The following SLC9C1 variants were observed in gnomAD, a reference collection of about 807,000 sequenced individuals.
SLC9C1 encodes sodium/hydrogen exchanger 10.
In SLC9C1, 97 loss-of-function variants were observed where a neutral mutation model predicts 140.9. The ratio of observed to expected loss-of-function variants is 0.69; its 90% CI spans 0.58 to 0.82. The LOEUF (loss-of-function observed/expected upper bound fraction) is 0.82. Among genes scored for constraint, SLC9C1 ranks in the 40% least tolerant of loss-of-function variants. SLC9C1 has a pLI of 0.00. For missense variants in SLC9C1, 1,340 were observed against 1,389.3 expected, an observed-to-expected ratio of 0.96 and a Z score of 0.56; for synonymous variants, 440 against 442.6, an observed-to-expected ratio of 0.99 and a Z score of 0.07.
At chr3:112,180,220 A>G (rs142393014) in intron 22 of SLC9C1, among the ~76,000 whole-genome samples, 33 of 152,296 alleles carry the variant, frequency 2.2e-4, no homozygotes, top group African/African-American at 6.5e-4. Flanking sequence ...TCACAAGTGC[A>G]TTTATAAATA....
At chr3:112,284,226 C>T (rs1392440968) in intron 2 of SLC9C1, among the ~76,000 whole-genome samples, 3 of 152,316 alleles carry the variant, frequency 2.0e-5, no homozygotes, top group Admixed American at 6.5e-5. Flanking sequence ...GTTGCTTCAA[C>T]ATCTTTCAGT....
chr3:112,259,866 C>T (rs989275321), intron 10 of SLC9C1, among the ~76,000 whole-genome samples: 1 of 152,156 alleles, frequency 6.6e-6, no homozygotes, highest in Non-Finnish European at 1.5e-5. Flanking sequence ...TTGTTACCTA[C>T]AGACTTTTTA....
At chr3:112,185,283 T>C (rs1280572142) in intron 20 of SLC9C1, among the ~76,000 whole-genome samples, 9 of 149,698 alleles carry the variant, frequency 6.0e-5, no homozygotes, top group East Asian at 3.9e-4. Flanking sequence ...CACAGGGGTA[T>C]TGAGGACAAT....
chr3:112,232,457 G>C (rs1407510432), intron 12 of SLC9C1, among the ~76,000 whole-genome samples: 1 of 152,156 alleles, frequency 6.6e-6, no homozygotes, highest in Non-Finnish European at 1.5e-5. Context: ...GATATGACAT[G>C]GTACTTGTTC....
intron 10 of SLC9C1, 117 bp downstream of exon 10, chr3:112,262,806 TA>T: frequency 1.1e-6 from 1 of 899,018 alleles, no homozygotes; most frequent in Non-Finnish European, 1.5e-6. Flanking sequence ...CCATCATAGC[TA>T]AATCACTCCT....
At chr3:112,178,335 G>T (rs2077377917) in intron 23 of SLC9C1, among the ~76,000 whole-genome samples, 1 of 151,260 alleles carries the variant, frequency 6.6e-6, no homozygotes, top group Non-Finnish European at 1.5e-5. Flanking sequence ...CAGATATGTT[G>T]CAGGCCAGTC....
chr3:112,246,218 G>A (rs1223729344), intron 10 of SLC9C1, among the ~76,000 whole-genome samples: 1 of 152,088 alleles, frequency 6.6e-6, no homozygotes, highest in Non-Finnish European at 1.5e-5. Context: ...GCACCCAGTA[G>A]GCTTATGTTC....
At chr3:112,234,120 C>T (rs1447656919) in intron 12 of SLC9C1, among the ~76,000 whole-genome samples, 1 of 152,188 alleles carries the variant, frequency 6.6e-6, no homozygotes, top group Non-Finnish European at 1.5e-5. Flanking sequence ...GCTCCTATTT[C>T]TCCACATCCC....
intron 16 of SLC9C1, among the ~76,000 whole-genome samples, chr3:112,205,360 T>G (rs2078019149): frequency 1.3e-5 from 2 of 151,284 alleles, no homozygotes; most frequent in Non-Finnish European, 2.9e-5. Flanking sequence ...GTGAAGGACC[T>G]CTTCAAGGAG....
intron 15 of SLC9C1, among the ~76,000 whole-genome samples, chr3:112,214,533 C>T (rs531078922): frequency 6.6e-6 from 1 of 152,196 alleles, no homozygotes; most frequent in South Asian, 2.1e-4. Flanking sequence ...GGGATATCAC[C>T]ACCAATCCCC....
intron 10 of SLC9C1, among the ~76,000 whole-genome samples, chr3:112,248,394 T>C (rs2079353403): frequency 6.6e-6 from 1 of 152,210 alleles, no homozygotes; most frequent in Non-Finnish European, 1.5e-5. Flanking sequence ...ATGTTTCTTG[T>C]TTCAAGCCAC....
At chr3:112,175,460 C>G (rs2107938006) in intron 23 of SLC9C1, among the ~76,000 whole-genome samples, 1 of 152,280 alleles carries the variant, frequency 6.6e-6, no homozygotes, top group East Asian at 1.9e-4. Context: ...ACAGTCTGGC[C>G]ATGTTTTCAT....
intron 3 of SLC9C1, among the ~76,000 whole-genome samples, chr3:112,280,432 T>C (rs2080327109): frequency 3.6e-5 from 1 of 28,158 alleles, no homozygotes; most frequent in Admixed American, 6.2e-4. Context: ...AATACTTTTA[T>C]GTATGTACTC....
chr3:112,236,040 A>T (rs994067791), intron 12 of SLC9C1, among the ~76,000 whole-genome samples: 2 of 152,148 alleles, frequency 1.3e-5, no homozygotes, highest in African/African-American at 4.8e-5. Flanking sequence ...TTTCAGAAGG[A>T]ATGGTACCAG....
intron 15 of SLC9C1, among the ~76,000 whole-genome samples, chr3:112,211,952 C>T (rs2078219453): frequency 2.0e-5 from 3 of 152,188 alleles, no homozygotes; most frequent in Non-Finnish European, 4.4e-5. Context: ...TGGGAGGCAC[C>T]CCCCAGTAAG....
chr3:112,181,991 C>G, intron 21 of SLC9C1, 142 bp downstream of exon 21: 2 of 778,338 alleles, frequency 2.6e-6, no homozygotes, highest in African/African-American at 1.8e-5. Flanking sequence ...GCATATTATT[C>G]AAAAGGATTT....
chr3:112,143,083 G>A (rs1324369625), intron 28 of SLC9C1, among the ~76,000 whole-genome samples: 2 of 152,110 alleles, frequency 1.3e-5, no homozygotes, highest in African/African-American at 4.8e-5. Context: ...TTTTATGGCT[G>A]TATAGTATTT....
chr3:112,252,245 C>T (rs879581959), intron 10 of SLC9C1, among the ~76,000 whole-genome samples: 1 of 152,102 alleles, frequency 6.6e-6, no homozygotes, highest in African/African-American at 2.4e-5. Context: ...AGTGCAGCTG[C>T]TCTATGGATA....
Position 112,231,373 on chromosome 3 carries a change from C to A in SLC9C1, c.1560G>T (p.Leu520Phe), listed in dbSNP as rs1560099603. ...EAMELANRRL[L>F]SAQIASYQRQ... is the part of the protein sequence containing the mutation. The stretch of plus-strand genomic sequence containing the variant: ...AATAATACAGTACTATTTGTGCTGA[C>A]AAGAGACGCCTGTTGGCCAGCTCCA... The change falls in exon 13 of 29, where the codon TTG becomes TTT. Residue 520 changes from leucine (L) to phenylalanine (F), a missense_variant. Physicochemically the swap from Leu to Phe is conservative, Grantham distance 22. Coordinates refer to ENST00000305815, the MANE Select transcript of SLC9C1 (RefSeq NM_183061.3). 4 of 1,613,310 alleles carry A rather than the reference C, an allele frequency of 2.5e-6. No individual in the cohort carries two copies. The highest frequency in any genetic ancestry group is 3.4e-6 in the Non-Finnish European group (4 of 1,179,606).
Sources: allele counts gnomAD v4.1 joint callset (sites outside exome capture counted in the v4.1 genomes callset), GRCh38; gene constraint gnomAD v4.1.1; transcripts MANE v1.5; gene names NCBI Gene and HGNC (gene_info 2026-07-23, HGNC 2026-07-21).